The following TRPC6 variants were observed in gnomAD, a reference collection of about 807,000 sequenced individuals.
TRPC6 encodes short transient receptor potential channel 6.
In TRPC6, 55 loss-of-function variants were observed where a neutral mutation model predicts 90.7. That is an observed-to-expected ratio of 0.61 (90% CI 0.49 to 0.76). TRPC6 has a LOEUF of 0.76. Among genes scored for constraint, TRPC6 ranks in the 30% least tolerant of loss-of-function variants. The pLI, the probability that TRPC6 is intolerant of heterozygous loss-of-function variation, is 0.00. For synonymous variants in TRPC6, 393 were observed against 393.0 expected (o/e 1.00, Z 0.00); for missense variants, 989 against 1,122.7 (o/e 0.88, Z 1.70).
intron 1 of TRPC6, among the ~76,000 whole-genome samples, chr11:101,555,510 C>T (rs1376502816): frequency 4.6e-5 from 7 of 152,252 alleles, no homozygotes; most frequent in South Asian, 4.1e-4. Flanking sequence ...TCTGCTTTTC[C>T]GCATCCTGGT....
chr11:101,522,304 C>T (rs1860680652), intron 1 of TRPC6, among the ~76,000 whole-genome samples: 2 of 152,038 alleles, frequency 1.3e-5, no homozygotes, highest in South Asian at 4.2e-4. Context: ...ATGTATATCA[C>T]CTCCCCCTTC....
At position 101,504,770 on chromosome 11, in the gene TRPC6, G is replaced by A. The variant is rs200031940; in HGVS notation, c.199C>T (p.Arg67Trp). The change falls in exon 2 of 13, where the codon CGG (arginine) becomes TGG (tryptophan). Residue 67 changes from arginine (R) to tryptophan (W), a missense_variant. Around this residue, in one of 4 missense-constraint regions of TRPC6, gnomAD observed 194 missense variants for 136.5 expected, o/e 1.42. Coordinates refer to ENST00000344327, the MANE Select transcript of TRPC6 (RefSeq NM_004621.6). ...FRGSDNRLAH[R>W]RQTVLREKGR... ...TTCTCACGGAGAACTGTCTGCCGCC[G>A]GTGAGCCAGTCTGTTGTCAGATCCC... 81 of 1,608,964 alleles carry A rather than the reference G, an allele frequency of 5.0e-5. 1 individual carries two copies. The highest frequency in any genetic ancestry group is 3.2e-4 in the South Asian group (29 of 90,416).
At chr11:101,560,374 A>G (rs1159721973) in intron 1 of TRPC6, among the ~76,000 whole-genome samples, 1 of 151,758 alleles carries the variant, frequency 6.6e-6, no homozygotes, top group Non-Finnish European at 1.5e-5. Context: ...TTGAATGAAC[A>G]CTATCAATTT....
chr11:101,548,510 GA>G (rs1234210741), intron 1 of TRPC6, among the ~76,000 whole-genome samples: 1 of 126,448 alleles, frequency 7.9e-6, no homozygotes, highest in Non-Finnish European at 1.7e-5. Context: ...CACAGATGAG[GA>G]AAGTGAGGTT....
At position 101,455,054 on chromosome 11, in the gene TRPC6, A is replaced by G. The variant is rs1858851608; in HGVS notation, c.2532T>C (p.His844=). The change falls in exon 11 of 13, where the codon CAT becomes CAC. Residue 844 remains histidine (H), a synonymous_variant. Coordinates refer to ENST00000344327, the MANE Select transcript of TRPC6 (RefSeq NM_004621.6). ...TTGGAGGATTATTGAAACTATTTAG[A>G]TGGAAATCTTCTGAGCTCCTTATAC... ...QPSIRSSEDF[H]LNSFNNPPRQ... The G allele has an allele frequency of 6.2e-7, 1 of 1,612,570 alleles. No individual in the cohort carries two copies. The highest frequency in any genetic ancestry group is 1.3e-5 in the African/African-American group (1 of 74,842).
chr11:101,518,024 T>C lies in TRPC6; in HGVS notation c.171-13226A>G, dbSNP rs113318605. The stretch of plus-strand genomic sequence containing the variant: ...GAAGAATTGGCCTAGATTAAAAAGT[T>C]GTTTGAGTCAATAATCCTCAGATCT... On this transcript the variant is annotated intron_variant, in intron 1 of 12. Transcript: ENST00000344327. 7.4e-3 allele frequency among the ~76,000 whole-genome samples: 1,124 copies of C among 152,340 alleles called. 15 individuals are homozygous for C. The highest frequency in any genetic ancestry group is 0.026 in the African/African-American group (1,066 of 41,586).
chr11:101,469,855 G>C (rs1859246994), intron 9 of TRPC6, among the ~76,000 whole-genome samples: 1 of 152,132 alleles, frequency 6.6e-6, no homozygotes, highest in Non-Finnish European at 1.5e-5. Context: ...CACATTTAAA[G>C]AAAGCTTTAA....
intron 4 of TRPC6, among the ~76,000 whole-genome samples, chr11:101,484,895 G>A (rs1250913984): frequency 1.3e-5 from 2 of 152,084 alleles, no homozygotes; most frequent in East Asian, 3.9e-4. Context: ...GGTATATAGT[G>A]ATGTGTCAAT....
rs1402954455 is a variant in TRPC6, at chr11:101,583,328, A to C, written c.170+6T>G. The C allele has an allele frequency of 1.3e-6, 2 of 1,579,884 alleles. No individual in the cohort carries two copies. The highest frequency in any genetic ancestry group is 1.7e-6 in the Non-Finnish European group (2 of 1,163,664). ...GCCCGATCCGCCCCGCGTCGCCGGC[A>C]CTCACAAGCAGGGGTAGTAGCCGTA... On this transcript the variant is annotated splice_donor_region_variant and intron_variant, in intron 1 of 12. Coordinates refer to ENST00000344327, the MANE Select transcript of TRPC6 (RefSeq NM_004621.6).
intron 10 of TRPC6, among the ~76,000 whole-genome samples, chr11:101,464,295 GA>G (rs1859087371): frequency 6.6e-6 from 1 of 152,198 alleles, no homozygotes; most frequent in Non-Finnish European, 1.5e-5. Context: ...GAGTTCTGTA[GA>G]TGTCTATTAG....
chr11:101,466,696 C>T (rs1859153867), intron 10 of TRPC6, among the ~76,000 whole-genome samples: 1 of 152,232 alleles, frequency 6.6e-6, no homozygotes. Context: ...GCTTCAGCCC[C>T]CTTTCCAGGG....
chr11:101,519,879 C>T (rs140183909), intron 1 of TRPC6: 1 of 153,296 alleles, frequency 6.5e-6, no homozygotes, highest in Non-Finnish European at 1.5e-5. Context: ...TACTAATTCT[C>T]TTAACTCTCT....
chr11:101,453,531 A>G (rs1185296602), intron 12 of TRPC6, 119 bp downstream of exon 12: 3 of 996,304 alleles, frequency 3.0e-6, no homozygotes, highest in Non-Finnish European at 4.8e-6. Context: ...ATCCTGTTCT[A>G]CTTTTCCCCT....
At chr11:101,583,289 T>C (rs1862241913) in intron 1 of TRPC6, 45 bp downstream of exon 1, 1 of 1,541,010 alleles carries the variant, frequency 6.5e-7, no homozygotes, top group Non-Finnish European at 8.7e-7. Context: ...ACAACCTCCC[T>C]CCGCGCAGCC....
chr11:101,462,705 T>A (rs1859034153), intron 10 of TRPC6, among the ~76,000 whole-genome samples: 1 of 152,210 alleles, frequency 6.6e-6, no homozygotes, highest in Non-Finnish European at 1.5e-5. Flanking sequence ...AAGGAGATTT[T>A]GGGTTGAGAT....
At chr11:101,507,027 ACACACACACACACACACACACACAGACC>A (rs1166304674) in intron 1 of TRPC6, among the ~76,000 whole-genome samples, 67 of 150,528 alleles carry the variant, frequency 4.5e-4, no homozygotes, top group African/African-American at 1.7e-3. Flanking sequence ...ACACACACAC[ACACACACACACACACACACACACAGACC>A]CCCTTCATGG....
At chr11:101,491,386 A>G in intron 3 of TRPC6, 170 bp downstream of exon 3, 1 of 747,098 alleles carries the variant, frequency 1.3e-6, no homozygotes, top group Non-Finnish European at 2.1e-6. Flanking sequence ...GTGAGCCGAG[A>G]TCGCACCACT....
chr11:101,583,357 A>T lies in TRPC6; in HGVS notation c.147T>A (p.Pro49=). 1 of 1,594,928 alleles carries T rather than the reference A, an allele frequency of 6.3e-7. No individual in the cohort carries two copies. The highest frequency in any genetic ancestry group is 8.5e-7 in the Non-Finnish European group (1 of 1,171,078). The stretch of plus-strand genomic sequence containing the variant: ...ACAAGCAGGGGTAGTAGCCGTAGCA[A>T]GGCAGCGGGGCTTGCGGGCAGCCGT... The part of the protein sequence containing the change: ...GEDGCPQAPL[P]CYGYYPCFRG... Residue 49 remains proline (P), a synonymous_variant, in exon 1 of 13, where the codon CCT becomes CCA. Transcript: ENST00000344327.
intron 1 of TRPC6, among the ~76,000 whole-genome samples, chr11:101,528,544 ATTATATAGAG>A (rs1265056688): frequency 1.3e-5 from 2 of 152,226 alleles, no homozygotes; most frequent in Non-Finnish European, 2.9e-5. Flanking sequence ...GAGGCAACAC[ATTATATAGAG>A]TTGCACATAA....
Sources: allele counts gnomAD v4.1 joint callset (sites outside exome capture counted in the v4.1 genomes callset), GRCh38; gene constraint gnomAD v4.1.1; regional missense constraint gnomAD v4.1.1; transcripts MANE v1.5; gene names NCBI Gene and HGNC (gene_info 2026-07-23, HGNC 2026-07-21).